Variants in PRKAG2 observed in about 807,000 individuals in gnomAD.
The protein encoded by PRKAG2 is 5'-AMP-activated protein kinase subunit gamma-2.
PRKAG2 carries 26 observed loss-of-function variants against 69.6 expected under a neutral mutation model. The observed-to-expected ratio is 0.37, with a 90% CI of 0.27 to 0.52. The LOEUF (loss-of-function observed/expected upper bound fraction) is 0.52. Among genes scored for constraint, PRKAG2 ranks in the 20% least tolerant of loss-of-function variants. PRKAG2 has a pLI of 0.90. For missense variants in PRKAG2, 557 were observed against 740.0 expected (o/e 0.75, Z 2.87); for synonymous variants, 293 against 285.0 (o/e 1.03, Z -0.28).
At chr7:151,700,657 C>T (rs1453831884) in intron 3 of PRKAG2, among the ~76,000 whole-genome samples, 4 of 152,132 alleles carry the variant, frequency 2.6e-5, no homozygotes, top group Non-Finnish European at 5.9e-5. Flanking sequence ...CTGAGAGCCA[C>T]CTGCTGTAGG....
At chr7:151,564,012 A>G (rs1805672949) in intron 14 of PRKAG2, 66 bp downstream of exon 14, 2 of 1,607,426 alleles carry the variant, frequency 1.2e-6, no homozygotes, top group Admixed American at 3.3e-5. Flanking sequence ...TTCCAGAGGC[A>G]TCATTCACTA....
chr7:151,695,258 T>C (rs1251653166), intron 3 of PRKAG2, among the ~76,000 whole-genome samples: 2 of 152,222 alleles, frequency 1.3e-5, no homozygotes, highest in East Asian at 1.9e-4. Flanking sequence ...GGCTCAAACC[T>C]GTTTCCTCTT....
intron 3 of PRKAG2, among the ~76,000 whole-genome samples, chr7:151,737,125 C>G (rs1212287609): frequency 6.6e-6 from 1 of 152,120 alleles, no homozygotes; most frequent in African/African-American, 2.4e-5. Context: ...TGCTACTAAC[C>G]AGCTTTGTGA....
At chr7:151,816,697 C>A (rs1041698072) in intron 1 of PRKAG2, among the ~76,000 whole-genome samples, 5 of 152,200 alleles carry the variant, frequency 3.3e-5, no homozygotes, top group African/African-American at 1.2e-4. Context: ...CTGCAGCCAG[C>A]CCCCCGGGCA....
intron 3 of PRKAG2, among the ~76,000 whole-genome samples, chr7:151,726,847 C>T (rs1798059742): frequency 6.6e-6 from 1 of 152,122 alleles, no homozygotes; most frequent in Non-Finnish European, 1.5e-5. Context: ...TGCTCTTCTC[C>T]ATATGCTTAC....
intron 4 of PRKAG2, among the ~76,000 whole-genome samples, chr7:151,639,662 G>A (rs879768217): frequency 1.3e-5 from 2 of 152,216 alleles, no homozygotes; most frequent in African/African-American, 2.4e-5. Context: ...CCTTGACACT[G>A]GGACTTAACA....
intron 4 of PRKAG2, among the ~76,000 whole-genome samples, chr7:151,639,768 C>T (rs558569273): frequency 6.6e-6 from 1 of 152,294 alleles, no homozygotes; most frequent in South Asian, 2.1e-4. Flanking sequence ...GACTGAGCCA[C>T]GCTACCATTA....
chr7:151,750,096 CAAAAAAAAAAA>C (rs35915808), intron 3 of PRKAG2, among the ~76,000 whole-genome samples: 2 of 63,044 alleles, frequency 3.2e-5, no homozygotes, highest in Non-Finnish European at 7.0e-5. Flanking sequence ...GACTCCATCT[CAAAAAAAAAAA>C]AAAAAAAAAA....
In PRKAG2 at chr7:151,838,754, C is replaced by T. The variant is rs111791612; in HGVS notation, c.114+37753G>A. Among the ~76,000 whole-genome samples the T allele has an allele frequency of 6.1e-3, 918 of 151,054 alleles. 10 individuals are homozygous for T. Among genetic ancestry groups the T allele is most frequent in the African/African-American group, 0.021 (882 of 41,124 alleles). On this transcript the variant is annotated intron_variant, in intron 1 of 15. Coordinates refer to ENST00000287878, the MANE Select transcript of PRKAG2 (RefSeq NM_016203.4). Reference sequence around the variant, plus strand: ...AGAAGGCCAGGCACAGTGGCTCACACCGGTAATCCCAACACTTTGGGCGGC... The same window carrying T: ...AGAAGGCCAGGCACAGTGGCTCACATCGGTAATCCCAACACTTTGGGCGGC...
intron 3 of PRKAG2, among the ~76,000 whole-genome samples, chr7:151,732,637 C>T (rs938661578): frequency 6.6e-6 from 1 of 152,176 alleles, no homozygotes; most frequent in Non-Finnish European, 1.5e-5. Flanking sequence ...AGCTACAGAC[C>T]GTGCTCCTGA....
intron 1 of PRKAG2, 80 bp downstream of exon 1, chr7:151,876,427 G>C: frequency 5.8e-6 from 8 of 1,390,958 alleles, no homozygotes; most frequent in Non-Finnish European, 7.1e-6. Flanking sequence ...CGCGCGGGGC[G>C]TCCAGCGTTA....
chr7:151,773,089 GGGA>G lies in PRKAG2; in HGVS notation c.466+8060_466+8062del, dbSNP rs1250575082. 9.4e-4 allele frequency among the ~76,000 whole-genome samples: 76 copies of G among 80,532 alleles called. 3 individuals are homozygous for G. Among genetic ancestry groups the G allele is most frequent in the African/African-American group, 3.7e-3 (68 of 18,178 alleles). 52.8% of individuals were successfully genotyped at this position (80,532 alleles called of 152,430 possible). On this transcript the variant is annotated intron_variant, in intron 3 of 15. Coordinates refer to ENST00000287878, the MANE Select transcript of PRKAG2 (RefSeq NM_016203.4). ...AGGGAGGGAGGGAGGGAGGGAGGGA[GGGA>G]GGGAAGGGAAGGGAAGGGAAGGGAA... is the stretch of plus-strand genomic sequence containing the variant.
At chr7:151,659,702 C>A (rs188265106) in intron 4 of PRKAG2, among the ~76,000 whole-genome samples, 112 of 152,308 alleles carry the variant, frequency 7.4e-4, no homozygotes, top group Non-Finnish European at 1.5e-3. Context: ...CATCTATAGA[C>A]GTGTGTCTTG....
At chr7:151,809,348 G>A (rs1465702521) in intron 1 of PRKAG2, 3 of 435,380 alleles carry the variant, frequency 6.9e-6, no homozygotes, top group Admixed American at 2.5e-5. Context: ...CGCAGTCCAC[G>A]GCAGGTGTCG....
At chr7:151,671,222 A>T (rs955092050) in intron 4 of PRKAG2, among the ~76,000 whole-genome samples, 1 of 149,176 alleles carries the variant, frequency 6.7e-6, no homozygotes, top group Non-Finnish European at 1.5e-5. Flanking sequence ...CTAAAGACTA[A>T]TTTTCTCCAT....
rs142735513 is a variant in PRKAG2, at chr7:151,796,577, A to G, written c.115-10036T>C. Among the ~76,000 whole-genome samples, 640 of 152,226 alleles carry G rather than the reference A, an allele frequency of 4.2e-3. 9 individuals carry two copies. The highest frequency in any genetic ancestry group is 0.014 in the African/African-American group (584 of 41,532). On this transcript the variant is annotated intron_variant, in intron 1 of 15. Transcript: ENST00000287878. The stretch of plus-strand genomic sequence containing the variant: ...GGTAACAGTCGTGCAAGTGTCTGTC[A>G]TGGCATCTTGTCACCCTGTCCTGTC...
intron 1 of PRKAG2, among the ~76,000 whole-genome samples, chr7:151,875,348 T>C (rs536228473): frequency 1.3e-5 from 2 of 152,300 alleles, no homozygotes; most frequent in East Asian, 3.9e-4. Context: ...CAGGAGGACC[T>C]TAGCGGGGCG....
intron 3 of PRKAG2, among the ~76,000 whole-genome samples, chr7:151,765,772 G>A (rs1046528063): frequency 6.6e-6 from 1 of 152,056 alleles, no homozygotes; most frequent in Non-Finnish European, 1.5e-5. Context: ...GTTACTATAG[G>A]ATTAAATGAA....
At chr7:151,656,895 G>A (rs1246036858) in intron 4 of PRKAG2, among the ~76,000 whole-genome samples, 1 of 152,098 alleles carries the variant, frequency 6.6e-6, no homozygotes, top group Non-Finnish European at 1.5e-5. Context: ...CCAGCACTTT[G>A]GGAGGCCGAA....
Sources: gnomAD v4.1 joint callset for allele counts (sites outside exome capture counted in the v4.1 genomes callset) on GRCh38, gnomAD v4.1.1 for gene constraint, MANE v1.5 for transcripts, NCBI Gene and HGNC (gene_info 2026-07-23, HGNC 2026-07-21) for gene names.